Variants in MAP4K5 observed in about 807,000 individuals in gnomAD.
MAP4K5 encodes mitogen-activated protein kinase kinase kinase kinase 5.
MAP4K5 carries 82 observed loss-of-function variants against 135.6 expected under a neutral mutation model. The observed-to-expected ratio is 0.60, with a 90% CI of 0.51 to 0.73. The LOEUF (loss-of-function observed/expected upper bound fraction) is 0.73. Ranked by LOEUF, MAP4K5 falls within the 30% of genes least tolerant of loss-of-function variation. The probability of loss-of-function intolerance (pLI) is 0.00; values close to 1 mark genes in which losing one functional copy is unlikely to be tolerated. For missense variants in MAP4K5, 907 were observed against 1,010.9 expected (o/e 0.90, Z 1.39); for synonymous variants, 347 against 335.0 (o/e 1.04, Z -0.39).
At chr14:50,558,623 A>G (rs2038794136) in intron 1 of MAP4K5, among the ~76,000 whole-genome samples, 1 of 152,182 alleles carries the variant, frequency 6.6e-6, no homozygotes, top group African/African-American at 2.4e-5. Context: ...TCAATTGGGC[A>G]TAGGTGTTGA....
intron 2 of MAP4K5, among the ~76,000 whole-genome samples, chr14:50,529,749 G>A (rs2038346302): frequency 6.6e-6 from 1 of 152,114 alleles, no homozygotes; most frequent in Admixed American, 6.5e-5. Flanking sequence ...GCCATATAGT[G>A]GGGGGCGGTG....
intron 10 of MAP4K5, chr14:50,468,259 G>T (rs1443177466): frequency 1.3e-5 from 2 of 155,924 alleles, no homozygotes; most frequent in East Asian, 3.8e-4. Flanking sequence ...GACTCAAAAA[G>T]TCTTAAAATA....
At chr14:50,473,844 C>T (rs1253173412) in intron 9 of MAP4K5, among the ~76,000 whole-genome samples, 3 of 151,702 alleles carry the variant, frequency 2.0e-5, no homozygotes, top group Admixed American at 6.6e-5. Context: ...CTGCCTCAGC[C>T]TCCCGAGGAG....
intron 3 of MAP4K5, among the ~76,000 whole-genome samples, chr14:50,493,455 T>C (rs2037528682): frequency 6.6e-6 from 1 of 152,158 alleles, no homozygotes; most frequent in Non-Finnish European, 1.5e-5. Flanking sequence ...GTGTAAGCAT[T>C]TCTCATGTCA....
chr14:50,491,813 G>A (rs1157860254), intron 3 of MAP4K5, among the ~76,000 whole-genome samples: 2 of 151,452 alleles, frequency 1.3e-5, no homozygotes, highest in African/African-American at 2.4e-5. Context: ...AGCCTCCTAA[G>A]TAGCTGGGAT....
chr14:50,436,957 AT>A (rs1271518191), intron 26 of MAP4K5, among the ~76,000 whole-genome samples: 2 of 152,056 alleles, frequency 1.3e-5, no homozygotes. Flanking sequence ...TTAAATCTAT[AT>A]TTTTTCCCTG....
rs1476132954 is a variant in MAP4K5, at chr14:50,440,087, G to GATA, written c.1645-17_1645-15dup. ...CCGTGGAAATAACTAAGAAAAAGAA[G>GATA]ATAATTAAGATTCTCTCATTGTCAT... On this transcript the variant is annotated splice_polypyrimidine_tract_variant and intron_variant, in intron 22 of 32. Transcript: ENST00000682126. The GATA allele has an allele frequency of 7.3e-7, 1 of 1,365,706 alleles. No individual in the cohort carries two copies. Among genetic ancestry groups the GATA allele is most frequent in the Non-Finnish European group, 1.0e-6 (1 of 983,282 alleles). The allele number at this position is 1,365,706 out of a possible 1,614,324, so 84.6% of individuals were successfully genotyped here. A position where few individuals can be genotyped will look rare whatever the true frequency, so the allele number is the denominator to read the frequency against.
chr14:50,482,065 A>G (rs1331452994), intron 6 of MAP4K5, among the ~76,000 whole-genome samples: 1 of 152,212 alleles, frequency 6.6e-6, no homozygotes, highest in Non-Finnish European at 1.5e-5. Flanking sequence ...AGTGCTATAA[A>G]GGAGAATACC....
At chr14:50,553,639 G>A (rs923478147) in intron 1 of MAP4K5, among the ~76,000 whole-genome samples, 2 of 152,138 alleles carry the variant, frequency 1.3e-5, no homozygotes, top group Non-Finnish European at 2.9e-5. Flanking sequence ...ATGTGAAAAA[G>A]ATGAATGCAC....
At chr14:50,420,898 G>GC (rs1474663996) in intron 32 of MAP4K5, among the ~76,000 whole-genome samples, 1 of 151,350 alleles carries the variant, frequency 6.6e-6, no homozygotes, top group Non-Finnish European at 1.5e-5. Context: ...AAAAAAAAAA[G>GC]AAGTACTATT....
At chr14:50,431,573 G>A (rs2035971139) in intron 28 of MAP4K5, among the ~76,000 whole-genome samples, 1 of 152,114 alleles carries the variant, frequency 6.6e-6, no homozygotes, top group Non-Finnish European at 1.5e-5. Flanking sequence ...CCCTACAAAG[G>A]ATATGAACTC....
At chr14:50,432,573 AAAAC>A (rs1166624548) in intron 28 of MAP4K5, among the ~76,000 whole-genome samples, 27 of 151,756 alleles carry the variant, frequency 1.8e-4, no homozygotes, top group African/African-American at 6.1e-4. Flanking sequence ...AAAAAAAAAA[AAAAC>A]AAAAAAACGC....
At chr14:50,541,759 G>A (rs374242629) in intron 2 of MAP4K5, among the ~76,000 whole-genome samples, 26 of 151,914 alleles carry the variant, frequency 1.7e-4, no homozygotes, top group African/African-American at 5.8e-4. Context: ...GGTGGCTCAC[G>A]CCTGTAATCC....
chr14:50,424,658 T>C (rs1376378634), intron 31 of MAP4K5, among the ~76,000 whole-genome samples: 3 of 142,406 alleles, frequency 2.1e-5, no homozygotes, highest in Admixed American at 1.5e-4. Flanking sequence ...TGCAGTGAGC[T>C]GAGATTGTGC....
intron 32 of MAP4K5, among the ~76,000 whole-genome samples, chr14:50,422,575 T>TAA (rs965980711): frequency 7.0e-6 from 1 of 142,326 alleles, no homozygotes; most frequent in Non-Finnish European, 1.5e-5. Context: ...GAGACCGTCT[T>TAA]AAAAAAAAAA....
At chr14:50,543,295 G>C (rs1396210634) in intron 1 of MAP4K5, among the ~76,000 whole-genome samples, 1 of 152,216 alleles carries the variant, frequency 6.6e-6, no homozygotes, top group Admixed American at 6.5e-5. Context: ...GTATGATACT[G>C]TTCCCTTGAC....
intron 1 of MAP4K5, among the ~76,000 whole-genome samples, chr14:50,546,381 CGT>C (rs544174974): frequency 6.7e-6 from 1 of 150,126 alleles, no homozygotes; most frequent in African/African-American, 2.4e-5. Context: ...TGTGTGTGTG[CGT>C]GTGTGTGTGT....
chr14:50,519,214 A>G (rs2038097157), intron 2 of MAP4K5, among the ~76,000 whole-genome samples: 1 of 152,020 alleles, frequency 6.6e-6, no homozygotes, highest in Non-Finnish European at 1.5e-5. Context: ...TCAAATATAC[A>G]TCTATATAAT....
At chr14:50,455,072 C>T (rs552922051) in intron 14 of MAP4K5, among the ~76,000 whole-genome samples, 75 of 151,758 alleles carry the variant, frequency 4.9e-4, no homozygotes, top group Non-Finnish European at 6.5e-4. Flanking sequence ...TATGCCAATT[C>T]GGTATATAAT....
Sources: gnomAD v4.1 joint callset for allele counts (sites outside exome capture counted in the v4.1 genomes callset) on GRCh38, gnomAD v4.1.1 for gene constraint, MANE v1.5 for transcripts, NCBI Gene and HGNC (gene_info 2026-07-23, HGNC 2026-07-21) for gene names.